Variants in PTPRT observed in about 807,000 individuals in gnomAD.
PTPRT encodes the protein receptor-type tyrosine-protein phosphatase T.
PTPRT carries 56 observed loss-of-function variants against 176.8 expected under a neutral mutation model. The observed-to-expected ratio is 0.32, with a 90% CI of 0.26 to 0.40. The LOEUF (loss-of-function observed/expected upper bound fraction) is 0.40, where lower values mean the gene tolerates loss of function less well. Among genes scored for constraint, PTPRT ranks in the 10% least tolerant of loss-of-function variants. The pLI is 1.00. For missense variants in PTPRT, 1,540 were observed against 1,908.2 expected (o/e 0.81, Z 3.60); for synonymous variants, 783 against 739.0 (o/e 1.06, Z -0.96).
rs142450968 is a variant in PTPRT at position 42,402,838 on chromosome 20, A to ATG, written c.1560+45380_1560+45381dup. Among the ~76,000 whole-genome samples, 239 of 151,374 alleles carry ATG rather than the reference A, an allele frequency of 1.6e-3. 2 individuals carry two copies. Among genetic ancestry groups the ATG allele is most frequent in the African/African-American group, 4.9e-3 (201 of 41,310 alleles). ...TGTGTGTGTGTGCATGTGTATGTGCATGTGTGTGTGTGTGTATACACATGC... is the reference window on the plus strand; with the variant it reads ...TGTGTGTGTGTGCATGTGTATGTGCATGTGTGTGTGTGTGTGTATACACATGC... On this transcript the variant is annotated intron_variant, in intron 9 of 30. Coordinates refer to ENST00000373187, the MANE Select transcript of PTPRT (RefSeq NM_007050.6).
At chr20:42,404,972 TTATA>T (rs200602736) in intron 9 of PTPRT, among the ~76,000 whole-genome samples, 4,592 of 77,948 alleles carry the variant, frequency 0.059, 280 homozygotes, top group African/African-American at 0.07. Flanking sequence ...GGCCAATTAA[TTATA>T]TATATATATA....
chr20:42,904,699 A>AC (rs1225143844), intron 1 of PTPRT, among the ~76,000 whole-genome samples: 3 of 152,114 alleles, frequency 2.0e-5, no homozygotes, highest in Non-Finnish European at 4.4e-5. Context: ...TCCCAAGACC[A>AC]CCCTGGCCCA....
chr20:42,846,821 T>A (rs2078381132), intron 2 of PTPRT, among the ~76,000 whole-genome samples: 1 of 152,082 alleles, frequency 6.6e-6, no homozygotes, highest in African/African-American at 2.4e-5. Context: ...CAGAGCCTGA[T>A]TTTTTCCTTT....
chr20:42,569,875 C>T (rs2073124484), intron 7 of PTPRT, among the ~76,000 whole-genome samples: 1 of 152,132 alleles, frequency 6.6e-6, no homozygotes, highest in Non-Finnish European at 1.5e-5. Flanking sequence ...TTTGTGTATT[C>T]ATGTTGTATG....
At chr20:42,465,469 T>C (rs7269940) in intron 8 of PTPRT, among the ~76,000 whole-genome samples, 9,656 of 151,052 alleles carry the variant, frequency 0.064, 404 homozygotes, top group Non-Finnish European at 0.091. Flanking sequence ...TGAAATACCA[T>C]AGTGTCATAA....
chr20:43,005,704 T>C (rs569331650), intron 1 of PTPRT, among the ~76,000 whole-genome samples: 1 of 152,348 alleles, frequency 6.6e-6, no homozygotes, highest in African/African-American at 2.4e-5. Context: ...GCTCAGAGCC[T>C]GCAATGCTGA....
At chr20:42,247,717 C>G (rs2056478490) in intron 14 of PTPRT, among the ~76,000 whole-genome samples, 1 of 152,140 alleles carries the variant, frequency 6.6e-6, no homozygotes, top group South Asian at 2.1e-4. Context: ...CTATGATAGA[C>G]TGAGGAGTGG....
At chr20:42,583,036 A>G in intron 7 of PTPRT, among the ~76,000 whole-genome samples, 1 of 152,160 alleles carries the variant, frequency 6.6e-6, no homozygotes, top group East Asian at 1.9e-4. Context: ...GGCTCAGCAC[A>G]GGGGCTGGCA....
At chr20:42,967,041 C>T (rs1482501067) in intron 1 of PTPRT, among the ~76,000 whole-genome samples, 1 of 152,118 alleles carries the variant, frequency 6.6e-6, no homozygotes, top group East Asian at 1.9e-4. Flanking sequence ...AAAGGCACCT[C>T]GGGAGGTGAT....
chr20:42,595,892 C>A (rs895596321), intron 7 of PTPRT, among the ~76,000 whole-genome samples: 3 of 152,198 alleles, frequency 2.0e-5, no homozygotes, highest in African/African-American at 7.2e-5. Context: ...AGTACTGTGC[C>A]AGGCCTGTCC....
Position 42,956,455 on chromosome 20 carries a change from G to C in PTPRT, c.89-70523C>G, listed in dbSNP as rs1166996279. On this transcript the variant is annotated intron_variant, in intron 1 of 30. Coordinates refer to ENST00000373187, the MANE Select transcript of PTPRT (RefSeq NM_007050.6). Reference sequence around the variant, plus strand: ...AGACACCTGCTCCTACTCTAGCCGTGTGAGACACCTGCTCCCCCTTTGCCT... The same window carrying C: ...AGACACCTGCTCCTACTCTAGCCGTCTGAGACACCTGCTCCCCCTTTGCCT... Among the ~76,000 whole-genome samples, 10 of 142,488 alleles carry C rather than the reference G, an allele frequency of 7.0e-5. No individual in the cohort carries two copies. In the South Asian group the frequency reaches 2.2e-3, roughly 31 times the overall value. 93.5% of individuals were successfully genotyped at this position (142,488 alleles called of 152,430 possible).
chr20:42,777,643 A>G (rs2077156794), intron 4 of PTPRT, among the ~76,000 whole-genome samples: 1 of 152,202 alleles, frequency 6.6e-6, no homozygotes, highest in Admixed American at 6.5e-5. Flanking sequence ...TTTCTTAGTC[A>G]CTTAAGTATC....
chr20:43,112,672 C>T (rs1381893998), intron 1 of PTPRT, among the ~76,000 whole-genome samples: 1 of 152,146 alleles, frequency 6.6e-6, no homozygotes, highest in Non-Finnish European at 1.5e-5. Context: ...TGAATCTGCC[C>T]GGCTTCAAAA....
At chr20:42,690,507 C>G (rs1207600756) in intron 6 of PTPRT, among the ~76,000 whole-genome samples, 1 of 152,090 alleles carries the variant, frequency 6.6e-6, no homozygotes, top group Non-Finnish European at 1.5e-5. Flanking sequence ...ATGTAAGGAG[C>G]AAGGCATATG....
chr20:42,707,846 T>C (rs753824479), intron 6 of PTPRT, among the ~76,000 whole-genome samples: 1 of 152,132 alleles, frequency 6.6e-6, no homozygotes, highest in Non-Finnish European at 1.5e-5. Context: ...CAGATGAAAA[T>C]TCAGCTCAGC....
the PTPRT span, among the ~76,000 whole-genome samples, chr20:42,066,724 T>C: frequency 6.6e-6 from 1 of 152,196 alleles, no homozygotes; most frequent in African/African-American, 2.4e-5. Context: ...ATAATATACA[T>C]CATCAAGATT....
intron 6 of PTPRT, among the ~76,000 whole-genome samples, chr20:42,689,309 G>A (rs1185293550): frequency 6.6e-6 from 1 of 152,170 alleles, no homozygotes; most frequent in Non-Finnish European, 1.5e-5. Context: ...GGACGCTGAG[G>A]GGGGTTCAGC....
At chr20:42,958,694 C>A (rs1981815787) in intron 1 of PTPRT, among the ~76,000 whole-genome samples, 1 of 152,056 alleles carries the variant, frequency 6.6e-6, no homozygotes, top group Non-Finnish European at 1.5e-5. Context: ...ATCATCTACA[C>A]TAGGACACTT....
intron 2 of PTPRT, among the ~76,000 whole-genome samples, chr20:42,809,822 T>C (rs951056555): frequency 6.6e-6 from 1 of 152,132 alleles, no homozygotes. Flanking sequence ...CCTCTTGAGA[T>C]CCTTAACTCA....
Sources: allele counts gnomAD v4.1 joint callset (sites outside exome capture counted in the v4.1 genomes callset), GRCh38; gene constraint gnomAD v4.1.1; transcripts MANE v1.5; gene names NCBI Gene and HGNC (gene_info 2026-07-23, HGNC 2026-07-21).